KCND3: variants seen among roughly 807,000 people sequenced by gnomAD.
KCND3 encodes the protein potassium voltage-gated channel subfamily D member 3.
A neutral mutation model predicts 51.1 loss-of-function variants in KCND3; 9 were observed. The ratio of observed to expected loss-of-function variants is 0.18; its 90% CI spans 0.11 to 0.31. The LOEUF is 0.31. Ranked by LOEUF, KCND3 falls within the 10% of genes least tolerant of loss-of-function variation. The pLI, the probability that KCND3 is intolerant of heterozygous loss-of-function variation, is 1.00. For synonymous variants in KCND3, 349 were observed against 368.0 expected (o/e 0.95, Z 0.59); for missense variants, 526 against 903.8 (o/e 0.58, Z 5.36).
chr1:111,868,824 C>T (rs1178067644), intron 2 of KCND3, among the ~76,000 whole-genome samples: 1 of 152,182 alleles, frequency 6.6e-6, no homozygotes, highest in East Asian at 1.9e-4. Flanking sequence ...CAACCTTGAA[C>T]TCCTGGGCTC....
At chr1:111,786,069 C>G (rs1472248655) in intron 3 of KCND3, among the ~76,000 whole-genome samples, 1 of 152,144 alleles carries the variant, frequency 6.6e-6, no homozygotes, top group Non-Finnish European at 1.5e-5. Flanking sequence ...ACAGTTCAGC[C>G]CAGATCTGAA....
intron 2 of KCND3, among the ~76,000 whole-genome samples, chr1:111,788,159 A>G (rs1664689077): frequency 6.6e-6 from 1 of 152,204 alleles, no homozygotes; most frequent in Admixed American, 6.5e-5. Context: ...TGTCCCTCCA[A>G]TCAATAAGAT....
rs1476325600 is a variant in KCND3 at position 111,771,849 on chromosome 1, A to G, written c.*4228T>C. 6.6e-6 allele frequency: 1 copy of G among 152,202 alleles called. No homozygotes were observed. Among genetic ancestry groups the G allele is most frequent in the East Asian group, 1.9e-4 (1 of 5,198 alleles). The allele number at this position is 152,202 out of a possible 1,614,324, so 9.4% of individuals were successfully genotyped here. ...CTTTTGAAAGGGAGTCTATGCAGTTAGTCCTGAGCTTGGCACTAGTTATGA... is the reference window on the plus strand; with the variant it reads ...CTTTTGAAAGGGAGTCTATGCAGTTGGTCCTGAGCTTGGCACTAGTTATGA... On this transcript the variant is annotated 3_prime_UTR_variant, in exon 8 of 8. Transcript: ENST00000302127.
intron 2 of KCND3, among the ~76,000 whole-genome samples, chr1:111,933,409 T>C (rs1416999225): frequency 3.9e-5 from 6 of 152,198 alleles, no homozygotes; most frequent in Non-Finnish European, 8.8e-5. Context: ...TTGTGAGTGT[T>C]AGCTTATAAA....
chr1:111,982,520 C>G lies in KCND3; in HGVS notation c.207G>C (p.Thr69=), dbSNP rs751347311. The change falls in exon 2 of 8, where the codon ACG becomes ACC. Residue 69 remains threonine, a synonymous_variant. Transcript: ENST00000302127. The surrounding 1 kb of genome is among the most constrained non-coding windows in gnomAD (Gnocchi z 8.5). ...CCTCGTTGAAGAAGAACTCCTTCTC[C>G]GTGCTGCCCAGCAGGGTGTCCGGGT... ...ERYPDTLLGS[T]EKEFFFNEDT... The G allele has an allele frequency of 6.2e-7, 1 of 1,607,334 alleles. No homozygotes were observed. Among genetic ancestry groups the G allele is most frequent in the South Asian group, 1.1e-5 (1 of 90,684 alleles).
intron 2 of KCND3, among the ~76,000 whole-genome samples, chr1:111,827,156 G>C (rs899548832): frequency 6.6e-6 from 1 of 152,224 alleles, no homozygotes; most frequent in African/African-American, 2.4e-5. Context: ...GGCACAGAGT[G>C]GTTAAGTAGT....
intron 2 of KCND3, among the ~76,000 whole-genome samples, chr1:111,929,958 T>C (rs565629782): frequency 1.3e-5 from 2 of 152,346 alleles, no homozygotes; most frequent in African/African-American, 2.4e-5. Flanking sequence ...CCAATTAAAG[T>C]AACCCAGGGC....
chr1:111,873,375 G>A (rs1298082865), intron 2 of KCND3, among the ~76,000 whole-genome samples: 1 of 152,210 alleles, frequency 6.6e-6, no homozygotes, highest in East Asian at 1.9e-4. Context: ...AACAAGGCAT[G>A]TAATGGTGTG....
intron 2 of KCND3, among the ~76,000 whole-genome samples, chr1:111,799,947 G>A (rs372158047): frequency 8.5e-5 from 13 of 152,246 alleles, no homozygotes; most frequent in East Asian, 5.8e-4. Context: ...CTGGCCAGCC[G>A]CCCCGTCCGG....
chr1:111,941,089 C>T (rs1237336923), intron 2 of KCND3, among the ~76,000 whole-genome samples: 1 of 152,162 alleles, frequency 6.6e-6, no homozygotes, highest in East Asian at 1.9e-4. Context: ...GAAGACTGTC[C>T]TGCTCTGACA....
At chr1:111,862,533 AG>A (rs1266891844) in intron 2 of KCND3, among the ~76,000 whole-genome samples, 1 of 152,252 alleles carries the variant, frequency 6.6e-6, no homozygotes, top group Non-Finnish European at 1.5e-5. Flanking sequence ...TAAGAAAGCA[AG>A]GGATCTGCTC....
intron 2 of KCND3, among the ~76,000 whole-genome samples, chr1:111,825,841 ATAT>A (rs763107647): frequency 6.6e-6 from 1 of 152,206 alleles, no homozygotes; most frequent in African/African-American, 2.4e-5. Flanking sequence ...GCTTATACAA[ATAT>A]TATTAATAAC....
At chr1:111,949,527 G>C (rs1025903351) in intron 2 of KCND3, among the ~76,000 whole-genome samples, 3 of 152,168 alleles carry the variant, frequency 2.0e-5, no homozygotes, top group Non-Finnish European at 2.9e-5. Context: ...AAAAGGTGAG[G>C]GGGTAGAGAG....
chr1:111,957,605 C>T (rs1673403556), intron 2 of KCND3, among the ~76,000 whole-genome samples: 1 of 152,030 alleles, frequency 6.6e-6, no homozygotes, highest in South Asian at 2.1e-4. Context: ...AGGAAGAGAG[C>T]ATGGAAGAGC....
intron 2 of KCND3, among the ~76,000 whole-genome samples, chr1:111,838,414 T>C (rs1297351141): frequency 6.6e-6 from 1 of 152,140 alleles, no homozygotes; most frequent in Non-Finnish European, 1.5e-5. Context: ...TCCCAGCGCG[T>C]TGGGAGGCCA....
chr1:111,868,207 T>A lies in KCND3; in HGVS notation c.1107-81101A>T, dbSNP rs1282590987. On this transcript the variant is annotated intron_variant, in intron 2 of 7. Transcript: ENST00000302127. ...AAGTCGTGGGCTGCTCTGAGTGGTG[T>A]GATGAAACCTCATGCTGTCCTGCTC... 1.3e-5 allele frequency among the ~76,000 whole-genome samples: 2 copies of A among 152,200 alleles called. 1 individual carries two copies. Among genetic ancestry groups the A allele is most frequent in the Admixed American group, 1.3e-4 (2 of 15,272 alleles).
intron 2 of KCND3, among the ~76,000 whole-genome samples, chr1:111,841,674 A>G (rs1330053303): frequency 4.6e-5 from 7 of 152,228 alleles, no homozygotes; most frequent in Admixed American, 3.3e-4. Flanking sequence ...TAAGCAGCTA[A>G]ATTGCCTGTT....
At chr1:111,970,373 C>T (rs1183649168) in intron 2 of KCND3, among the ~76,000 whole-genome samples, 2 of 152,228 alleles carry the variant, frequency 1.3e-5, no homozygotes, top group East Asian at 3.8e-4. Context: ...ACAGATACGT[C>T]TTTGGCCTCC....
intron 2 of KCND3, among the ~76,000 whole-genome samples, chr1:111,846,315 C>G (rs1324276736): frequency 1.3e-5 from 2 of 152,194 alleles, no homozygotes; most frequent in African/African-American, 4.8e-5. Flanking sequence ...ACACAGTTCC[C>G]TCTGCCAGAA....
Sources: gnomAD v4.1 joint callset for allele counts (sites outside exome capture counted in the v4.1 genomes callset) on GRCh38, gnomAD v4.1.1 for gene constraint, Gnocchi (gnomAD v3.1) non-coding constraint, MANE v1.5 for transcripts, NCBI Gene and HGNC (gene_info 2026-07-23, HGNC 2026-07-21) for gene names.